Variants in SYT2 observed in about 807,000 individuals in gnomAD.
SYT2 encodes synaptotagmin 2, also known as synaptotagmin-2.
A neutral mutation model predicts 39.9 loss-of-function variants in SYT2; 15 were observed. That is an observed-to-expected ratio of 0.38 (90% CI 0.25 to 0.58). The LOEUF is 0.58. Ranked by LOEUF, SYT2 falls within the 20% of genes least tolerant of loss-of-function variation. The pLI is 0.70. For missense variants in SYT2, 389 were observed against 530.3 expected (o/e 0.73, Z 2.62); for synonymous variants, 181 against 204.5 (o/e 0.89, Z 0.98).
chr1:202,671,332 C>T (rs1290676534), intron 1 of SYT2, among the ~76,000 whole-genome samples: 1 of 152,190 alleles, frequency 6.6e-6, no homozygotes, highest in Admixed American at 6.5e-5. Flanking sequence ...GGAGGCCAGT[C>T]CCCAGCACAG....
At chr1:202,611,443 C>G (rs1690881781) in intron 1 of SYT2, among the ~76,000 whole-genome samples, 1 of 152,152 alleles carries the variant, frequency 6.6e-6, no homozygotes, top group Non-Finnish European at 1.5e-5. Flanking sequence ...CCTCCACCTC[C>G]CAGGTTCAAG....
At chr1:202,657,285 C>T (rs1413086686) in intron 1 of SYT2, among the ~76,000 whole-genome samples, 1 of 152,224 alleles carries the variant, frequency 6.6e-6, no homozygotes, top group Admixed American at 6.5e-5. Flanking sequence ...TTTAGAGCAA[C>T]CCACCAGAAG....
intron 1 of SYT2, among the ~76,000 whole-genome samples, chr1:202,691,727 G>GATA (rs1558463384): frequency 5.3e-5 from 1 of 18,986 alleles, no homozygotes; most frequent in Non-Finnish European, 1.1e-4. Flanking sequence ...GAGAGGGAGA[G>GATA]GGGGGGAGAG....
chr1:202,653,946 T>C (rs555087614), intron 1 of SYT2, among the ~76,000 whole-genome samples: 4 of 152,330 alleles, frequency 2.6e-5, no homozygotes, highest in East Asian at 1.9e-4. Context: ...GGAAAACTTA[T>C]GTCTTGATCA....
At chr1:202,692,982 A>G (rs1179600828) in intron 1 of SYT2, among the ~76,000 whole-genome samples, 1 of 152,254 alleles carries the variant, frequency 6.6e-6, no homozygotes, top group African/African-American at 2.4e-5. Flanking sequence ...AATAGGACTC[A>G]GCTTAAAATT....
chr1:202,602,876 G>T, intron 4 of SYT2, 123 bp downstream of exon 4: 1 of 1,252,944 alleles, frequency 8.0e-7, no homozygotes, highest in Non-Finnish European at 1.1e-6. Flanking sequence ...TTTCCAGCCT[G>T]CCTCATTCTA....
intron 1 of SYT2, among the ~76,000 whole-genome samples, chr1:202,654,307 A>C (rs1404611448): frequency 1.3e-5 from 2 of 152,064 alleles, no homozygotes; most frequent in Admixed American, 6.6e-5. Flanking sequence ...CACATTCTCC[A>C]CTGCAACTCT....
chr1:202,665,727 C>T (rs956124902), intron 1 of SYT2, among the ~76,000 whole-genome samples: 5 of 152,136 alleles, frequency 3.3e-5, no homozygotes, highest in East Asian at 1.9e-4. Context: ...CTCCCTCCCC[C>T]GCATCTGTCT....
At chr1:202,634,293 G>A (rs1159653344) in intron 1 of SYT2, among the ~76,000 whole-genome samples, 1 of 152,150 alleles carries the variant, frequency 6.6e-6, no homozygotes, top group Non-Finnish European at 1.5e-5. Flanking sequence ...CGAGGCGGGT[G>A]GATCACCCGA....
intron 1 of SYT2, among the ~76,000 whole-genome samples, chr1:202,678,389 G>A (rs1247316716): frequency 7.6e-6 from 1 of 131,152 alleles, no homozygotes; most frequent in Non-Finnish European, 1.7e-5. Context: ...AAGATTCTAT[G>A]ACTGAGGTAA....
At chr1:202,675,723 C>T (rs1653352756) in intron 1 of SYT2, among the ~76,000 whole-genome samples, 1 of 152,168 alleles carries the variant, frequency 6.6e-6, no homozygotes, top group African/African-American at 2.4e-5. Context: ...TCCCTTCCAC[C>T]TTACCCCATT....
At chr1:202,633,769 G>A (rs1364429764) in intron 1 of SYT2, among the ~76,000 whole-genome samples, 2 of 152,200 alleles carry the variant, frequency 1.3e-5, no homozygotes. Flanking sequence ...TCCCATCTCA[G>A]CCCTGTCTCT....
At chr1:202,681,990 G>GC (rs1475994635) in intron 1 of SYT2, among the ~76,000 whole-genome samples, 2 of 152,172 alleles carry the variant, frequency 1.3e-5, no homozygotes, top group East Asian at 3.9e-4. Flanking sequence ...ACCTGATGAG[G>GC]CCAGGGCCAC....
rs1031828666 is a variant in SYT2, at chr1:202,590,929, C to T, written c.*5828G>A. On this transcript the variant is annotated 3_prime_UTR_variant, in exon 9 of 9. Coordinates refer to ENST00000367268, the MANE Select transcript of SYT2 (RefSeq NM_177402.5). ...GGTCACTATCTTTGAAGAGGCCCCC[C>T]TAAAGTCCTGATCGCTAAGGCAGGT... The T allele has an allele frequency of 2.0e-5, 3 of 152,216 alleles. No homozygotes were observed. The highest frequency in any genetic ancestry group is 4.4e-5 in the Non-Finnish European group (3 of 68,094). The allele number at this position is 152,216 out of a possible 1,614,324, so 9.4% of individuals were successfully genotyped here.
intron 1 of SYT2, chr1:202,632,020 C>T: frequency 1.0e-6 from 1 of 985,346 alleles, no homozygotes; most frequent in Non-Finnish European, 1.2e-6. Flanking sequence ...ATGTGAGGAC[C>T]ACAAGAGCTT....
At chr1:202,617,852 A>G (rs1691089717) in intron 1 of SYT2, among the ~76,000 whole-genome samples, 1 of 152,156 alleles carries the variant, frequency 6.6e-6, no homozygotes. Flanking sequence ...CCAGTCCCCC[A>G]CCTAATTTTT....
At chr1:202,643,713 G>A (rs1377172520) in intron 1 of SYT2, among the ~76,000 whole-genome samples, 2 of 152,296 alleles carry the variant, frequency 1.3e-5, no homozygotes, top group Admixed American at 1.3e-4. Context: ...GGAGGTGTGT[G>A]CGGGAGGGAC....
chr1:202,634,520 C>A (rs1458393025), intron 1 of SYT2, among the ~76,000 whole-genome samples: 3 of 151,762 alleles, frequency 2.0e-5, no homozygotes, highest in Non-Finnish European at 4.4e-5. Context: ...TACCATTTGA[C>A]AATCCTAGGC....
intron 8 of SYT2, among the ~76,000 whole-genome samples, chr1:202,597,320 G>C (rs904985836): frequency 6.6e-6 from 1 of 152,188 alleles, no homozygotes; most frequent in African/African-American, 2.4e-5. Context: ...GGTTATGCTA[G>C]AGAGATGGGC....
Sources: allele counts gnomAD v4.1 joint callset (sites outside exome capture counted in the v4.1 genomes callset), GRCh38; gene constraint gnomAD v4.1.1; transcripts MANE v1.5; gene names NCBI Gene and HGNC (gene_info 2026-07-23, HGNC 2026-07-21).